AKT1S1: variants seen among roughly 807,000 people sequenced by gnomAD.
AKT1S1 encodes AKT1 substrate 1.
Under a neutral mutation model 21.2 loss-of-function variants are expected in AKT1S1, and 17 were observed. That is an observed-to-expected ratio of 0.80 (90% CI 0.55 to 1.20). AKT1S1 has a LOEUF of 1.20. AKT1S1 is among the 50% of genes most tolerant of loss of function. The probability of loss-of-function intolerance (pLI) is 0.00; values close to 1 mark genes in which losing one functional copy is unlikely to be tolerated. For synonymous variants in AKT1S1, 181 were observed against 165.6 expected (o/e 1.09, Z -0.72); for missense variants, 366 against 368.3 (o/e 0.99, Z 0.05).
upstream of AKT1S1, chr19:49,877,696 C>T: frequency 1.3e-6 from 2 of 1,597,862 alleles, no homozygotes; most frequent in Non-Finnish European, 8.5e-7. Context: ...AAGGAGGAGG[C>T]GGGGCAGTGG....
Position 49,869,992 on chromosome 19 carries a change from G to A in AKT1S1, c.696C>T (p.Asp232=). 1.3e-6 allele frequency: 2 copies of A among 1,547,554 alleles called. No individual in the cohort carries two copies. The highest frequency in any genetic ancestry group is 8.7e-7 in the Non-Finnish European group (1 of 1,143,890). Reference sequence around the variant, plus strand: ...GTGGCAGGTCCCCGAAGACCTGGGTGTCCTCGGCCTCTCGCAGCACCAGCG... The same window carrying A: ...GTGGCAGGTCCCCGAAGACCTGGGTATCCTCGGCCTCTCGCAGCACCAGCG... ...MRALVLREAE[D]TQVFGDLPRP... Residue 232 remains aspartate (D), a synonymous_variant, in exon 5 of 5, where the codon GAC becomes GAT. Coordinates refer to ENST00000344175, the MANE Select transcript of AKT1S1 (RefSeq NM_001098633.4).
chr19:49,878,053 G>A (rs575095266), upstream of AKT1S1: 288 of 1,091,050 alleles, frequency 2.6e-4, no homozygotes, highest in African/African-American at 3.2e-3. Flanking sequence ...CGCCCCCTGA[G>A]GGTGGCTCCT....
intron 4 of AKT1S1, 73 bp downstream of exon 4, chr19:49,871,474 G>C (rs1453583809): frequency 1.3e-6 from 2 of 1,589,344 alleles, no homozygotes; most frequent in African/African-American, 2.7e-5. Flanking sequence ...CATCCATGCT[G>C]GAGGGCTTCC....
chr19:49,873,088 T>C lies in AKT1S1; in HGVS notation c.208A>G (p.Arg70Gly). 6.5e-7 allele frequency: 1 copy of C among 1,550,074 alleles called. No homozygotes were observed. Among genetic ancestry groups the C allele is most frequent in the Non-Finnish European group, 8.7e-7 (1 of 1,149,910 alleles). The change falls in exon 2 of 5, where the codon AGG (arginine) becomes GGG (glycine). Residue 70 changes from arginine (R) to glycine (G), a missense_variant. Arg to Gly is a moderately radical substitution (Grantham distance 125, BLOSUM62 -2). Coordinates refer to ENST00000344175, the MANE Select transcript of AKT1S1 (RefSeq NM_001098633.4). This position sits in a 1 kb window ranked among gnomAD's most constrained non-coding sequence, Gnocchi z 6.9. ...GGAGGCCGAGCAGCAGTGGCAGCCC[T>C]GTGGGCCAGTGCGATGTCGTGGAGG... Reference protein sequence around the residue: ...RCLHDIALAHRAATAARPPAP... With the variant: ...RCLHDIALAHGAATAARPPAP...
rs577431062 is a variant in AKT1S1, at chr19:49,873,173, C to T, written c.123G>A (p.Pro41=). ...LTAAPPPPPR[P]GPCAYAAHGR... is the part of the protein sequence containing the mutation. ...CATGGGCAGCATAGGCACAGGGGCCCGGGCGGGGTGGTGGCGGCGGGGCCG... is the reference window on the plus strand; with the variant it reads ...CATGGGCAGCATAGGCACAGGGGCCTGGGCGGGGTGGTGGCGGCGGGGCCG... The change falls in exon 2 of 5, where the codon CCG becomes CCA. Residue 41 remains proline (P), a synonymous_variant. Transcript: ENST00000344175. This position sits in a 1 kb window ranked among gnomAD's most constrained non-coding sequence, Gnocchi z 6.9. 20 of 1,533,448 alleles carry T rather than the reference C, an allele frequency of 1.3e-5. No homozygotes were observed. The South Asian group carries it at 1.5e-4, about 12-fold the overall frequency. 95.0% of individuals were successfully genotyped at this position (1,533,448 alleles called of 1,614,324 possible).
At chr19:49,872,014 AT>A (rs2074890851) in intron 2 of AKT1S1, 125 bp from the exon 3 acceptor site, 1 of 1,056,204 alleles carries the variant, frequency 9.5e-7, no homozygotes, top group African/African-American at 1.6e-5. Flanking sequence ...TCTGAGACCC[AT>A]TTCCTTCACC....
At chr19:49,878,272 G>T (rs745661160), upstream of AKT1S1, 35 of 1,544,108 alleles carry the variant, frequency 2.3e-5, no homozygotes, top group Non-Finnish European at 3.5e-6. Flanking sequence ...GCTCGGACCC[G>T]CTCCGAGCGG....
At chr19:49,871,406 A>G (rs1186941134) in intron 4 of AKT1S1, 141 bp downstream of exon 4, 5 of 1,171,836 alleles carry the variant, frequency 4.3e-6, no homozygotes, top group South Asian at 1.3e-5. Flanking sequence ...GCTCGTGTCC[A>G]AGAACTCGCC....
rs1292987031 is a variant in AKT1S1, at chr19:49,871,702, C to G, written c.472G>C (p.Glu158Gln). The G allele has an allele frequency of 6.2e-7, 1 of 1,612,702 alleles. No individual in the cohort carries two copies. The highest frequency in any genetic ancestry group is 1.1e-5 in the South Asian group (1 of 91,056). ...PESTDDGSLS[E>Q]ETPAGPPTCS... ...GTGGGGGGGCCGGCGGGGGTCTCCT[C>G]GCTCAGGCTGCCATCTGAAAGAGAG... Residue 158 changes from glutamate (E) to glutamine (Q), a missense_variant, in exon 4 of 5, where the codon GAG (glutamate) becomes CAG (glutamine). Glu to Gln is a conservative substitution (Grantham distance 29, BLOSUM62 2). Coordinates refer to ENST00000344175, the MANE Select transcript of AKT1S1 (RefSeq NM_001098633.4).
At chr19:49,877,690 A>G (rs2074966335), upstream of AKT1S1, 3 of 1,596,728 alleles carry the variant, frequency 1.9e-6, no homozygotes, top group African/African-American at 2.7e-5. Context: ...TAGGAAAAGG[A>G]GGAGGCGGGG....
intron 1 of AKT1S1, chr19:49,875,906 C>T: frequency 2.0e-6 from 2 of 985,368 alleles, no homozygotes; most frequent in Non-Finnish European, 2.4e-6. Flanking sequence ...CTGTTTCCTC[C>T]AAGGAGCTGA....
chr19:49,871,421 G>T, intron 4 of AKT1S1, 126 bp downstream of exon 4: 1 of 1,304,588 alleles, frequency 7.7e-7, no homozygotes, highest in Non-Finnish European at 1.1e-6. Flanking sequence ...CTCGCCTCTT[G>T]AGGTTGAGGG....
intron 1 of AKT1S1, chr19:49,875,263 G>A (rs1463426949): frequency 1.3e-5 from 2 of 152,202 alleles, no homozygotes; most frequent in Non-Finnish European, 2.9e-5. Flanking sequence ...CCTGCCTTTA[G>A]GAGGGCAGAT....
chr19:49,872,322 C>T (rs541176585), intron 2 of AKT1S1, among the ~76,000 whole-genome samples: 4 of 152,204 alleles, frequency 2.6e-5, no homozygotes, highest in African/African-American at 9.6e-5. Flanking sequence ...TCACCCTACA[C>T]GGGTTTTCTC....
chr19:49,872,746 G>A (rs1482700279), intron 2 of AKT1S1, among the ~76,000 whole-genome samples, 171 bp downstream of exon 2: 1 of 152,180 alleles, frequency 6.6e-6, no homozygotes, highest in East Asian at 1.9e-4. Context: ...AGCAGGGAAG[G>A]GACTGGCTTT....
rs558378503 is a variant in AKT1S1 at position 49,875,762 on chromosome 19, G to A, written c.-8+1475C>T. 1.7e-5 allele frequency: 13 copies of A among 787,054 alleles called. No homozygotes were observed. In the South Asian group the frequency reaches 7.0e-4, roughly 42 times the overall value. 48.8% of individuals were successfully genotyped at this position (787,054 alleles called of 1,614,324 possible). A position where few individuals can be genotyped will look rare whatever the true frequency, so the allele number is the denominator to read the frequency against. On this transcript the variant is annotated intron_variant, in intron 1 of 4. Coordinates refer to ENST00000344175, the MANE Select transcript of AKT1S1 (RefSeq NM_001098633.4). ...TTGTGAGGGCTCCCCCAACTCAGGA[G>A]ACATGAGCAAAAAGGACAGGGCGAC... is the stretch of plus-strand genomic sequence containing the variant.
upstream of AKT1S1, chr19:49,877,386 A>C (rs938938295): frequency 2.7e-6 from 1 of 376,146 alleles, no homozygotes; most frequent in African/African-American, 2.1e-5. Flanking sequence ...AGTATACAAT[A>C]TGGAGAAGGA....
rs767641300 is a variant in AKT1S1, at chr19:49,869,323, G to C, written c.*594C>G. The C allele has an allele frequency of 6.5e-6, 1 of 152,826 alleles. No homozygotes were observed. The highest frequency in any genetic ancestry group is 1.5e-5 in the Non-Finnish European group (1 of 68,080). 9.5% of individuals were successfully genotyped at this position (152,826 alleles called of 1,614,324 possible). On this transcript the variant is annotated 3_prime_UTR_variant, in exon 5 of 5. Transcript: ENST00000344175. Reference sequence around the variant, plus strand: ...GCAGGGACAGTTTGGGGCCATCCCTGAGGGGGTCAGGGAACAAGTTGTCGG... The same window carrying C: ...GCAGGGACAGTTTGGGGCCATCCCTCAGGGGGTCAGGGAACAAGTTGTCGG...
rs758820064 is a variant in AKT1S1 at position 49,869,880 on chromosome 19, G to GC, written c.*36_*37insG. The stretch of plus-strand genomic sequence containing the variant: ...GTGGGGCGGGGGCGTAGTGTGGGAC[G>GC]GGGCGGACGCGGCCCGGGGCGCTCC... On this transcript the variant is annotated 3_prime_UTR_variant, in exon 5 of 5. Coordinates refer to ENST00000344175, the MANE Select transcript of AKT1S1 (RefSeq NM_001098633.4). The GC allele has an allele frequency of 2.8e-6, 4 of 1,442,862 alleles. No homozygotes were observed. The highest frequency in any genetic ancestry group is 3.7e-6 in the Non-Finnish European group (4 of 1,082,190). 89.4% of individuals were successfully genotyped at this position (1,442,862 alleles called of 1,614,324 possible). A position where few individuals can be genotyped will look rare whatever the true frequency, so the allele number is the denominator to read the frequency against.
Sources: gnomAD v4.1 joint callset for allele counts (sites outside exome capture counted in the v4.1 genomes callset) on GRCh38, gnomAD v4.1.1 for gene constraint, Gnocchi (gnomAD v3.1) non-coding constraint, MANE v1.5 for transcripts, NCBI Gene and HGNC (gene_info 2026-07-23, HGNC 2026-07-21) for gene names.